GRIP1: variants seen among roughly 807,000 people sequenced by gnomAD.
GRIP1 encodes glutamate receptor-interacting protein 1.
Under a neutral mutation model 129.9 loss-of-function variants are expected in GRIP1, and 45 were observed. The ratio of observed to expected loss-of-function variants is 0.35; its 90% CI spans 0.27 to 0.44. GRIP1 has a LOEUF of 0.44. Ranked by LOEUF, GRIP1 falls within the 20% of genes least tolerant of loss-of-function variation. The pLI, the probability that GRIP1 is intolerant of heterozygous loss-of-function variation, is 1.00. For missense variants in GRIP1, 1,196 were observed against 1,396.8 expected (o/e 0.86, Z 2.29); for synonymous variants, 530 against 520.8 (o/e 1.02, Z -0.24).
chr12:66,774,767 G>A (rs2037926880), intron 1 of GRIP1, among the ~76,000 whole-genome samples: 1 of 152,198 alleles, frequency 6.6e-6, no homozygotes, highest in African/African-American at 2.4e-5. Flanking sequence ...TGTTTGGAGA[G>A]TGCTTTAGAT....
chr12:66,915,040 T>A lies in GRIP1; in HGVS notation c.58+154010A>T, dbSNP rs112231884. 3.2e-3 allele frequency among the ~76,000 whole-genome samples: 482 copies of A among 152,278 alleles called. 2 individuals are homozygous for A. The highest frequency in any genetic ancestry group is 0.011 in the African/African-American group (464 of 41,568). On this transcript the variant is annotated intron_variant, in intron 1 of 1. Coordinates refer to the GRIP1 transcript ENST00000643019. ...TAAATCATGTCTCTGGATGTCCCAG[T>A]TTTGTGTCTCCCAATTTACCTGATC...
At chr12:66,951,966 C>T (rs186574911) in intron 1 of GRIP1, among the ~76,000 whole-genome samples, 152 of 152,190 alleles carry the variant, frequency 1.0e-3, no homozygotes, top group Non-Finnish European at 1.7e-3. Flanking sequence ...ATTTGGTGTT[C>T]AGAGAAGATA....
chr12:66,828,791 T>C (rs1381581705), intron 1 of GRIP1, among the ~76,000 whole-genome samples: 1 of 152,194 alleles, frequency 6.6e-6, no homozygotes, highest in African/African-American at 2.4e-5. Flanking sequence ...TGTTTTCAAG[T>C]GTGTTTTATC....
At chr12:66,368,421 T>C (rs762942387) in intron 23 of GRIP1, among the ~76,000 whole-genome samples, 6 of 152,254 alleles carry the variant, frequency 3.9e-5, no homozygotes, top group Non-Finnish European at 7.4e-5. Flanking sequence ...ACCAGAAAGA[T>C]AGCACCAGGA....
intron 1 of GRIP1, among the ~76,000 whole-genome samples, chr12:66,695,717 A>G (rs1402878953): frequency 2.0e-5 from 3 of 152,216 alleles, no homozygotes; most frequent in Non-Finnish European, 4.4e-5. Flanking sequence ...AGAATGGAAT[A>G]AAAATATCAC....
At chr12:66,723,309 T>TC (rs1283214426) in intron 1 of GRIP1, among the ~76,000 whole-genome samples, 896 of 38,254 alleles carry the variant, frequency 0.023, 24 homozygotes, top group Non-Finnish European at 0.026. Flanking sequence ...TCTTTCTTTT[T>TC]TTTTTTTTTT....
intron 1 of GRIP1, among the ~76,000 whole-genome samples, chr12:67,001,176 G>C (rs74098170): frequency 0.025 from 3,759 of 152,250 alleles, 150 homozygotes; most frequent in African/African-American, 0.085. Flanking sequence ...GGTCCTACCA[G>C]ATATTTTTGG....
chr12:66,764,189 G>C (rs1001533476), intron 1 of GRIP1, among the ~76,000 whole-genome samples: 1 of 152,156 alleles, frequency 6.6e-6, no homozygotes, highest in Non-Finnish European at 1.5e-5. Context: ...CCCACAGAGT[G>C]AAAAATAATG....
At chr12:66,636,236 G>A (rs766147597) in intron 1 of GRIP1, among the ~76,000 whole-genome samples, 1 of 152,108 alleles carries the variant, frequency 6.6e-6, no homozygotes, top group African/African-American at 2.4e-5. Context: ...GAGAATGGTG[G>A]TTACCAGGGG....
upstream of GRIP1, among the ~76,000 whole-genome samples, chr12:66,808,138 T>A (rs906543900): frequency 6.6e-6 from 1 of 151,914 alleles, no homozygotes; most frequent in African/African-American, 2.4e-5. Flanking sequence ...TACCACAAAC[T>A]CCAGTAAGAG....
intron 1 of GRIP1, among the ~76,000 whole-genome samples, chr12:66,953,879 G>A (rs1279217541): frequency 2.0e-5 from 3 of 152,040 alleles, no homozygotes; most frequent in African/African-American, 7.2e-5. Flanking sequence ...ATAAGGATAC[G>A]GTCTTTCTCA....
intron 7 of GRIP1, among the ~76,000 whole-genome samples, chr12:66,495,523 G>T (rs540528459): frequency 6.6e-6 from 1 of 152,226 alleles, no homozygotes; most frequent in East Asian, 1.9e-4. Context: ...AAATCTACAT[G>T]TGGAGCATGT....
At chr12:67,019,835 C>A (rs368143048) in intron 1 of GRIP1, among the ~76,000 whole-genome samples, 2 of 151,976 alleles carry the variant, frequency 1.3e-5, no homozygotes, top group South Asian at 2.1e-4. Flanking sequence ...CAGGCACATA[C>A]ACACACGAAA....
At chr12:66,596,093 T>C (rs2064038415) in intron 2 of GRIP1, among the ~76,000 whole-genome samples, 1 of 152,228 alleles carries the variant, frequency 6.6e-6, no homozygotes, top group Non-Finnish European at 1.5e-5. Flanking sequence ...TACATAAACG[T>C]TTAAATGCAT....
At chr12:66,893,941 G>A (rs779364152) in intron 1 of GRIP1, among the ~76,000 whole-genome samples, 17 of 152,064 alleles carry the variant, frequency 1.1e-4, no homozygotes, top group Non-Finnish European at 2.2e-4. Flanking sequence ...TCCCGCTCTA[G>A]CTTCATCTCT....
chr12:67,066,888 T>TTATATATATATATA (rs1555170033), intron 1 of GRIP1, among the ~76,000 whole-genome samples: 292 of 125,608 alleles, frequency 2.3e-3, no homozygotes, highest in South Asian at 7.2e-3. Context: ...AAATATATAT[T>TTATATATATATATA]TATATATATA....
Position 66,444,576 on chromosome 12 carries a change from G to C in GRIP1, c.1687+8C>G. 1 of 1,598,934 alleles carries C rather than the reference G, an allele frequency of 6.3e-7. No individual in the cohort carries two copies. The highest frequency in any genetic ancestry group is 8.5e-7 in the Non-Finnish European group (1 of 1,175,684). ...ATGCAGTCCACTCCTGAGATGATATGATTATACCTGCAACATCAAACTCGA... is the reference window on the plus strand; with the variant it reads ...ATGCAGTCCACTCCTGAGATGATATCATTATACCTGCAACATCAAACTCGA... On this transcript the variant is annotated splice_region_variant and intron_variant, in intron 13 of 24. Transcript: ENST00000359742.
At chr12:66,359,005 C>T (rs561783177) in intron 23 of GRIP1, among the ~76,000 whole-genome samples, 15 of 152,266 alleles carry the variant, frequency 9.9e-5, no homozygotes, top group African/African-American at 3.1e-4. Flanking sequence ...TTCTTAGCCA[C>T]GTTTTCTCCA....
chr12:66,452,065 T>G (rs1473917490), intron 11 of GRIP1, among the ~76,000 whole-genome samples: 3 of 152,224 alleles, frequency 2.0e-5, no homozygotes, highest in African/African-American at 7.2e-5. Flanking sequence ...GGAAATGTGT[T>G]CTAACTTCTA....
Sources: gnomAD v4.1 joint callset for allele counts (sites outside exome capture counted in the v4.1 genomes callset) on GRCh38, gnomAD v4.1.1 for gene constraint, MANE v1.5 for transcripts, NCBI Gene and HGNC (gene_info 2026-07-23, HGNC 2026-07-21) for gene names.